Variants in VAPB observed in about 807,000 individuals in gnomAD.
The protein encoded by VAPB is vesicle-associated membrane protein-associated protein B/C.
A neutral mutation model predicts 25.6 loss-of-function variants in VAPB; 7 were observed. That is an observed-to-expected ratio of 0.27 (90% confidence interval 0.16 to 0.51). The LOEUF is 0.51. VAPB is among the 20% of genes least tolerant of loss of function. VAPB has a pLI of 0.97. For synonymous variants in VAPB, 112 were observed against 109.2 expected (o/e 1.03, Z -0.16); for missense variants, 266 against 301.3 (o/e 0.88, Z 0.87).
intron 1 of VAPB, among the ~76,000 whole-genome samples, chr20:58,392,856 T>C (rs189030018): frequency 6.6e-6 from 1 of 152,346 alleles, no homozygotes; most frequent in Non-Finnish European, 1.5e-5. Context: ...TATATGACTT[T>C]ATGCAGTTTT....
At chr20:58,398,819 G>A (rs555829153) in intron 1 of VAPB, among the ~76,000 whole-genome samples, 1 of 151,298 alleles carries the variant, frequency 6.6e-6, no homozygotes, top group Non-Finnish European at 1.5e-5. Context: ...TTGGAGCTGG[G>A]ATTTGAATCA....
chr20:58,408,450 T>TA (rs1383570263), intron 1 of VAPB, among the ~76,000 whole-genome samples: 10 of 152,224 alleles, frequency 6.6e-5, no homozygotes, highest in African/African-American at 2.4e-4. Flanking sequence ...CTTTAAAGCT[T>TA]TATTTTTGTT....
At chr20:58,443,487 T>C (rs1989207804) in intron 5 of VAPB, among the ~76,000 whole-genome samples, 1 of 150,330 alleles carries the variant, frequency 6.7e-6, no homozygotes, top group South Asian at 2.1e-4. Flanking sequence ...GGTTTTACCA[T>C]GTTGACCAAG....
intron 5 of VAPB, among the ~76,000 whole-genome samples, 154 bp from the exon 6 acceptor site, chr20:58,443,923 T>A (rs1989216745): frequency 6.6e-6 from 1 of 152,192 alleles, no homozygotes; most frequent in South Asian, 2.1e-4. Flanking sequence ...CCCTTTCCCC[T>A]CTGTAGCCTG....
chr20:58,431,094 CT>C (rs1423487142), intron 2 of VAPB: 1 of 152,214 alleles, frequency 6.6e-6, no homozygotes, highest in South Asian at 2.1e-4. Context: ...ACAAGTGTTA[CT>C]TTCTTCAAGG....
rs114842117 is a variant in VAPB at position 58,402,704 on chromosome 20, A to G, written c.58+13187A>G. Among the ~76,000 whole-genome samples, 394 of 151,956 alleles carry G rather than the reference A, an allele frequency of 2.6e-3. 1 individual carries two copies. Among genetic ancestry groups the G allele is most frequent in the African/African-American group, 8.6e-3 (356 of 41,436 alleles). The stretch of plus-strand genomic sequence containing the variant: ...CATAGGCGAGGAAGGGTTGGTGTTT[A>G]GGAGAAAGCTGAGAAAGATGCCAGG... On this transcript the variant is annotated intron_variant, in intron 1 of 5. Transcript: ENST00000475243.
chr20:58,427,570 C>T lies in VAPB; in HGVS notation c.212-7032C>T, dbSNP rs751469112. ...GGCAAAAGTGATCTGTGATCTGTTA[C>T]CATTATGATGCAGGCAAAAGTGATC... is the stretch of plus-strand genomic sequence containing the variant. On this transcript the variant is annotated intron_variant, in intron 2 of 5. Coordinates refer to ENST00000475243, the MANE Select transcript of VAPB (RefSeq NM_004738.5). Among the ~76,000 whole-genome samples the T allele has an allele frequency of 1.5e-3, 231 of 151,694 alleles. 1 individual carries two copies. Among genetic ancestry groups the T allele is most frequent in the South Asian group, 3.6e-3 (17 of 4,788 alleles).
At position 58,441,082 on chromosome 20, in the gene VAPB, A is replaced by C. The variant is rs1478963107; in HGVS notation, c.572A>C (p.Lys191Thr). ...QRLREENKQF[K>T]EEDGLRMRKT... Reference sequence around the variant, plus strand: ...CTACGGGAGGAGAACAAGCAGTTCAAGGTAATAGTTTATTTTCTGGTAATC... The same window carrying C: ...CTACGGGAGGAGAACAAGCAGTTCACGGTAATAGTTTATTTTCTGGTAATC... Residue 191 changes from lysine to threonine, a missense_variant and splice_region_variant, in exon 5 of 6, where the codon AAG (lysine) becomes ACG (threonine). Transcript: ENST00000475243. 4 of 1,613,668 alleles carry C rather than the reference A, an allele frequency of 2.5e-6. No individual in the cohort carries two copies. The African/African-American group carries it at 4.0e-5, about 16-fold the overall frequency.
chr20:58,409,304 G>A (rs1168870978), intron 1 of VAPB, among the ~76,000 whole-genome samples: 2 of 152,156 alleles, frequency 1.3e-5, no homozygotes, highest in Non-Finnish European at 2.9e-5. Context: ...AACGCAGAAA[G>A]CAATAGGATA....
chr20:58,403,894 A>C (rs1453086152), intron 1 of VAPB, among the ~76,000 whole-genome samples: 1 of 152,206 alleles, frequency 6.6e-6, no homozygotes, highest in Non-Finnish European at 1.5e-5. Flanking sequence ...CCTTGCACCA[A>C]GTTGGCAAGC....
chr20:58,413,668 C>G (rs1003653388), intron 1 of VAPB, among the ~76,000 whole-genome samples: 2 of 151,928 alleles, frequency 1.3e-5, no homozygotes, highest in African/African-American at 4.8e-5. Context: ...GGGCACACCT[C>G]CCAGACGGGG....
intron 2 of VAPB, among the ~76,000 whole-genome samples, chr20:58,427,404 T>G (rs1988819130): frequency 9.4e-6 from 1 of 106,548 alleles, no homozygotes; most frequent in Non-Finnish European, 2.0e-5. Context: ...ATGATGCAGG[T>G]CCATGATCTG....
chr20:58,433,045 C>G (rs935411531), intron 2 of VAPB, among the ~76,000 whole-genome samples: 16 of 152,200 alleles, frequency 1.1e-4, no homozygotes, highest in African/African-American at 3.6e-4. Context: ...ATGGTTAGGT[C>G]TCAGTGGACT....
At chr20:58,430,333 C>A (rs1304112785) in intron 2 of VAPB, among the ~76,000 whole-genome samples, 1 of 151,306 alleles carries the variant, frequency 6.6e-6, no homozygotes, top group Non-Finnish European at 1.5e-5. Context: ...GCATGAGGGA[C>A]AGAGTGAGAC....
chr20:58,449,755 A>G lies in VAPB; in HGVS notation c.*5520A>G. On this transcript the variant is annotated 3_prime_UTR_variant, in exon 6 of 6. Transcript: ENST00000475243. ...TTATTACACCCCAGGGCTGATGGAG[A>G]TGTAATCACTTGGCTAATGGATGTG... The G allele has an allele frequency of 4.4e-6, 2 of 454,082 alleles. No individual in the cohort carries two copies. Among genetic ancestry groups the G allele is most frequent in the Non-Finnish European group, 8.8e-6 (2 of 226,794 alleles). The allele number at this position is 454,082 out of a possible 1,614,324, so 28.1% of individuals were successfully genotyped here.
chr20:58,409,910 C>T (rs896454339), intron 1 of VAPB, among the ~76,000 whole-genome samples: 43 of 149,602 alleles, frequency 2.9e-4, no homozygotes, highest in African/African-American at 6.0e-4. Flanking sequence ...CATATACACA[C>T]ACACACACAC....
chr20:58,427,517 AT>A (rs1259206106), intron 2 of VAPB, among the ~76,000 whole-genome samples: 1 of 151,894 alleles, frequency 6.6e-6, no homozygotes, highest in Non-Finnish European at 1.5e-5. Flanking sequence ...GGCAAAAGTG[AT>A]TTGTGATCTC....
chr20:58,410,661 C>CA (rs978761483), intron 1 of VAPB, among the ~76,000 whole-genome samples: 1 of 113,338 alleles, frequency 8.8e-6, no homozygotes, highest in South Asian at 2.5e-4. Context: ...AAGTGATCCG[C>CA]CCCCCCGCCC....
intron 1 of VAPB, among the ~76,000 whole-genome samples, chr20:58,394,051 CTG>C (rs1987886058): frequency 2.0e-5 from 3 of 152,302 alleles, no homozygotes; most frequent in African/African-American, 4.8e-5. Flanking sequence ...TTAAACATAA[CTG>C]TGGATGCATT....
Sources: allele counts gnomAD v4.1 joint callset (sites outside exome capture counted in the v4.1 genomes callset), GRCh38; gene constraint gnomAD v4.1.1; transcripts MANE v1.5; gene names NCBI Gene and HGNC (gene_info 2026-07-23, HGNC 2026-07-21).